Variants in DOCK1 observed in about 807,000 individuals in gnomAD.
DOCK1 encodes dedicator of cytokinesis protein 1.
DOCK1 carries 138 observed loss-of-function variants against 262.7 expected under a neutral mutation model. The observed-to-expected ratio is 0.53, with a 90% confidence interval of 0.46 to 0.61. The LOEUF (loss-of-function observed/expected upper bound fraction) is 0.61, where lower values mean the gene tolerates loss of function less well. DOCK1 is among the 20% of genes least tolerant of loss of function. The pLI, the probability that DOCK1 is intolerant of heterozygous loss-of-function variation, is 0.00. For missense variants in DOCK1, 1,908 were observed against 2,370.7 expected (o/e 0.80, Z 4.05); for synonymous variants, 866 against 867.4 (o/e 1.00, Z 0.03).
intron 27 of DOCK1, among the ~76,000 whole-genome samples, chr10:127,178,808 C>T (rs1009488273): frequency 5.3e-5 from 8 of 152,158 alleles, no homozygotes; most frequent in Admixed American, 3.3e-4. Flanking sequence ...AGGGACAAGG[C>T]GTGCCTGCTC....
chr10:127,197,554 A>G (rs1373584288), intron 27 of DOCK1, among the ~76,000 whole-genome samples: 1 of 152,156 alleles, frequency 6.6e-6, no homozygotes, highest in South Asian at 2.1e-4. Context: ...AAGTAGCCAC[A>G]TTTATTAGTC....
At chr10:127,121,284 G>C (rs1252288536) in intron 25 of DOCK1, among the ~76,000 whole-genome samples, 1 of 143,706 alleles carries the variant, frequency 7.0e-6, no homozygotes, top group East Asian at 2.1e-4. Flanking sequence ...CATCTGTTTT[G>C]GAACTAATGG....
intron 27 of DOCK1, among the ~76,000 whole-genome samples, chr10:127,186,621 G>A (rs1004448407): frequency 2.7e-5 from 4 of 150,298 alleles, no homozygotes; most frequent in Admixed American, 6.7e-5. Flanking sequence ...GAGCCAAACC[G>A]TATCAGAGGG....
chr10:127,074,850 C>T (rs759682895), intron 23 of DOCK1, among the ~76,000 whole-genome samples: 1 of 152,026 alleles, frequency 6.6e-6, no homozygotes, highest in Non-Finnish European at 1.5e-5. Context: ...TTTATATGAT[C>T]CCTATTGAAG....
chr10:127,377,117 G>A (rs2065540108), intron 35 of DOCK1, among the ~76,000 whole-genome samples: 1 of 152,184 alleles, frequency 6.6e-6, no homozygotes, highest in Non-Finnish European at 1.5e-5. Context: ...CAAATGTTCT[G>A]CTCTTAACCA....
Position 127,061,732 on chromosome 10 carries a change from A to G in DOCK1, c.2401A>G (p.Asn801Asp), listed in dbSNP as rs377325661. 174 of 1,597,206 alleles carry G rather than the reference A, an allele frequency of 1.1e-4. No individual in the cohort carries two copies. Among genetic ancestry groups the G allele is most frequent in the Non-Finnish European group, 1.4e-4 (166 of 1,171,836 alleles). Reference sequence around the variant, plus strand: ...TTTGCTGCAGCTCTTCAGGTCCATCAATGACATGATGAGCAGCATGTCAGA... The same window carrying G: ...TTTGCTGCAGCTCTTCAGGTCCATCGATGACATGATGAGCAGCATGTCAGA... ...ESLLQLFRSINDMMSSMSDQT... is the reference protein window; with the variant it reads ...ESLLQLFRSIDDMMSSMSDQT... The change falls in exon 23 of 52, where the codon AAT (asparagine) becomes GAT (aspartate). Residue 801 changes from asparagine to aspartate, a missense_variant. This residue lies in a region of DOCK1 where 518 missense variants were observed against 575.1 expected (regional missense o/e 0.90). Transcript: ENST00000623213.
At chr10:127,137,714 C>T (rs1454582381) in intron 27 of DOCK1, 10 of 865,950 alleles carry the variant, frequency 1.2e-5, no homozygotes, top group Non-Finnish European at 1.8e-5. Flanking sequence ...GTACGCAGGG[C>T]GAGAAGTGGG....
At chr10:127,367,661 CT>C (rs1452797534) in intron 33 of DOCK1, among the ~76,000 whole-genome samples, 1 of 152,148 alleles carries the variant, frequency 6.6e-6, no homozygotes, top group Non-Finnish European at 1.5e-5. Flanking sequence ...GCCTTGAATT[CT>C]TTTTAGAAGT....
At chr10:127,001,543 C>T (rs561291299) in intron 10 of DOCK1, 1 of 152,266 alleles carries the variant, frequency 6.6e-6, no homozygotes, top group Admixed American at 6.5e-5. Flanking sequence ...ATGAATAATA[C>T]CGTATATTCA....
At chr10:127,270,452 G>T (rs551090664) in intron 29 of DOCK1, among the ~76,000 whole-genome samples, 1 of 151,646 alleles carries the variant, frequency 6.6e-6, no homozygotes, top group Non-Finnish European at 1.5e-5. Context: ...TATTGATTTC[G>T]TGCTCCACTG....
intron 26 of DOCK1, among the ~76,000 whole-genome samples, chr10:127,125,835 C>T (rs775230853): frequency 4.5e-4 from 68 of 151,972 alleles, no homozygotes; most frequent in Non-Finnish European, 7.6e-4. Flanking sequence ...GTCTTCTCGA[C>T]GAAATGTCTC....
intron 38 of DOCK1, among the ~76,000 whole-genome samples, chr10:127,395,043 G>A (rs1459343880): frequency 6.6e-6 from 1 of 152,186 alleles, no homozygotes; most frequent in Non-Finnish European, 1.5e-5. Flanking sequence ...TGGCTGGGAG[G>A]AACAGGAATT....
At chr10:127,262,029 C>CGT (rs764766854) in intron 29 of DOCK1, among the ~76,000 whole-genome samples, 8 of 96,190 alleles carry the variant, frequency 8.3e-5, no homozygotes, top group African/African-American at 2.8e-4. Context: ...CATGTGTGTG[C>CGT]ATGTGTGTGT....
chr10:127,213,718 C>A (rs1024787474), intron 27 of DOCK1, among the ~76,000 whole-genome samples: 1 of 152,218 alleles, frequency 6.6e-6, no homozygotes, highest in African/African-American at 2.4e-5. Context: ...CCGTGGCCAG[C>A]GTTCCAGGAA....
intron 23 of DOCK1, among the ~76,000 whole-genome samples, chr10:127,070,149 A>G (rs2046130705): frequency 6.6e-6 from 1 of 151,828 alleles, no homozygotes; most frequent in African/African-American, 2.4e-5. Context: ...ATTCAGGGCC[A>G]ACTCTACTGT....
At chr10:127,272,014 A>G (rs2060587600) in intron 29 of DOCK1, 1 of 152,196 alleles carries the variant, frequency 6.6e-6, no homozygotes, top group South Asian at 2.1e-4. Context: ...GTTTCAGCCA[A>G]CTGCATGACA....
intron 33 of DOCK1, among the ~76,000 whole-genome samples, chr10:127,369,026 C>G (rs2065071586): frequency 6.6e-6 from 1 of 152,156 alleles, no homozygotes; most frequent in Non-Finnish European, 1.5e-5. Flanking sequence ...GCACAACTTC[C>G]AGAAATTCCC....
At chr10:126,955,470 G>A (rs1565005095) in intron 1 of DOCK1, among the ~76,000 whole-genome samples, 3 of 152,142 alleles carry the variant, frequency 2.0e-5, no homozygotes, top group African/African-American at 4.8e-5. Context: ...GCCTTGGGCC[G>A]TGAACATTTT....
chr10:127,281,181 A>C (rs769277269), intron 29 of DOCK1, among the ~76,000 whole-genome samples: 6 of 152,226 alleles, frequency 3.9e-5, no homozygotes, highest in Non-Finnish European at 8.8e-5. Flanking sequence ...GGATTTGTTT[A>C]ACATCCTCCA....
Sources: gnomAD v4.1 joint callset for allele counts (sites outside exome capture counted in the v4.1 genomes callset) on GRCh38, gnomAD v4.1.1 for gene constraint, gnomAD v4.1.1 regional missense constraint, MANE v1.5 for transcripts, NCBI Gene and HGNC (gene_info 2026-07-23, HGNC 2026-07-21) for gene names.